SND1: variants seen among roughly 807,000 people sequenced by gnomAD.
SND1 encodes staphylococcal nuclease and tudor domain containing 1.
SND1 carries 38 observed loss-of-function variants against 121.7 expected under a neutral mutation model. The observed-to-expected ratio is 0.31, with a 90% CI of 0.24 to 0.41. The LOEUF is 0.41. Among genes scored for constraint, SND1 ranks in the 10% least tolerant of loss-of-function variants. The pLI is 1.00. For synonymous variants in SND1, 401 were observed against 447.4 expected (o/e 0.90, Z 1.31); for missense variants, 868 against 1,184.6 (o/e 0.73, Z 3.92).
intron 16 of SND1, among the ~76,000 whole-genome samples, chr7:128,001,934 A>C (rs1457838079): frequency 6.6e-6 from 1 of 152,210 alleles, no homozygotes; most frequent in African/African-American, 2.4e-5. Context: ...TCCATCTCAA[A>C]AACAAAAAAA....
chr7:127,699,842 C>T (rs1039694209), intron 4 of SND1, among the ~76,000 whole-genome samples: 7 of 152,260 alleles, frequency 4.6e-5, no homozygotes, highest in Admixed American at 3.9e-4. Context: ...GAAACATTTG[C>T]ATGAGGTATA....
intron 16 of SND1, among the ~76,000 whole-genome samples, chr7:127,993,269 C>A (rs11770713): frequency 6.6e-6 from 1 of 152,206 alleles, no homozygotes; most frequent in South Asian, 2.1e-4. Flanking sequence ...TTGTTACAGG[C>A]TTATTCATTT....
At position 127,707,594 on chromosome 7, in the gene SND1, TATGTGGCTCCC is replaced by T; in HGVS notation, c.987_997del (p.Val330SerfsTer2). On this transcript the variant is annotated frameshift_variant, in exon 9 of 24. Transcript: ENST00000354725. LOFTEE classifies it high-confidence loss of function. Reference sequence around the variant, plus strand: ...GCGCAGGCTGAGAATATGGAGAGACTATGTGGCTCCCACAGCTAATTTGGACCAAAAGGACA... The same window carrying T: ...GCGCAGGCTGAGAATATGGAGAGACTACAGCTAATTTGGACCAAAAGGACA... The T allele has an allele frequency of 6.2e-7, 1 of 1,614,160 alleles. No homozygotes were observed. Among genetic ancestry groups the T allele is most frequent in the East Asian group, 2.2e-5 (1 of 44,880 alleles).
rs1306686764 is a variant in SND1, at chr7:127,908,312, TAATA to T, written c.1527+3497_1527+3500del. On this transcript the variant is annotated intron_variant, in intron 14 of 23. Transcript: ENST00000354725. Reference sequence around the variant, plus strand: ...CCCATCTCTACCAAAAAAAAAATAATAATAAATGTGTGTGTGTGTGTGTGTGTGT... The same window carrying T: ...CCCATCTCTACCAAAAAAAAAATAATAATGTGTGTGTGTGTGTGTGTGTGT... Among the ~76,000 whole-genome samples the T allele has an allele frequency of 1.0e-4, 13 of 124,836 alleles. No individual in the cohort carries two copies. The East Asian group carries it at 2.8e-3, about 27-fold the overall frequency. The allele number at this position is 124,836 out of a possible 152,430, so 81.9% of individuals were successfully genotyped here.
intron 11 of SND1, among the ~76,000 whole-genome samples, chr7:127,812,442 A>C (rs1185284484): frequency 1.3e-5 from 2 of 152,204 alleles, no homozygotes; most frequent in African/African-American, 4.8e-5. Flanking sequence ...TTCTTCGCCT[A>C]AATATACAGA....
At chr7:128,039,240 A>G (rs1171635202) in intron 16 of SND1, among the ~76,000 whole-genome samples, 1 of 152,074 alleles carries the variant, frequency 6.6e-6, no homozygotes, top group Non-Finnish European at 1.5e-5. Flanking sequence ...TTCTCATTTT[A>G]TTTTCCATTA....
At chr7:127,671,487 G>A (rs543272251) in intron 1 of SND1, among the ~76,000 whole-genome samples, 264 of 152,150 alleles carry the variant, frequency 1.7e-3, no homozygotes, top group African/African-American at 6.0e-3. Context: ...CTATGCGCAC[G>A]CTCCTGGTTT....
At chr7:127,715,442 A>G (rs1343639684) in intron 9 of SND1, among the ~76,000 whole-genome samples, 1 of 152,192 alleles carries the variant, frequency 6.6e-6, no homozygotes. Flanking sequence ...AGTACCCAAT[A>G]GGAAGTTTTT....
At chr7:127,656,090 A>G (rs1795205483) in intron 1 of SND1, among the ~76,000 whole-genome samples, 2 of 152,058 alleles carry the variant, frequency 1.3e-5, no homozygotes, top group African/African-American at 4.8e-5. Context: ...AAGAACCATG[A>G]TTCTCACTGG....
chr7:127,800,425 C>T (rs1372292721), intron 10 of SND1, among the ~76,000 whole-genome samples: 1 of 152,184 alleles, frequency 6.6e-6, no homozygotes, highest in Non-Finnish European at 1.5e-5. Flanking sequence ...TTTATTTCCT[C>T]TGCCTCACAG....
At chr7:127,691,879 G>T (rs1206179710) in intron 2 of SND1, among the ~76,000 whole-genome samples, 3 of 151,074 alleles carry the variant, frequency 2.0e-5, no homozygotes, top group Non-Finnish European at 2.9e-5. Flanking sequence ...CCTGCCAAGA[G>T]TCTTGGCCTC....
intron 10 of SND1, among the ~76,000 whole-genome samples, chr7:127,796,890 CT>C (rs36078891): frequency 0.28 from 28,987 of 102,040 alleles, 2,649 homozygotes; most frequent in Admixed American, 0.37. Context: ...TTTCCTGAGT[CT>C]TTTTTTTTTT....
In SND1 at chr7:128,024,138, T is replaced by C. The variant is rs558234751; in HGVS notation, c.1779+33082T>C. Among the ~76,000 whole-genome samples, 3 of 151,918 alleles carry C rather than the reference T, an allele frequency of 2.0e-5. No homozygotes were observed. In the South Asian group the frequency reaches 6.2e-4, roughly 32 times the overall value. On this transcript the variant is annotated intron_variant, in intron 16 of 23. Transcript: ENST00000354725. ...ATCACTGCTCCAAGAAGTAATTTAC[T>C]TCATTTTAATTTAAAGCAAAGATGA...
chr7:127,947,639 C>T (rs1408072711), intron 15 of SND1, among the ~76,000 whole-genome samples: 2 of 152,278 alleles, frequency 1.3e-5, no homozygotes, highest in South Asian at 2.1e-4. Flanking sequence ...GGACTCTGGG[C>T]GCTGGCCTTA....
At chr7:127,858,611 AC>A in intron 12 of SND1, 1 of 304,840 alleles carries the variant, frequency 3.3e-6, no homozygotes, top group Non-Finnish European at 6.2e-6. Flanking sequence ...ACTCTAGGGA[AC>A]AAAAACACCA....
At chr7:128,027,135 C>T (rs1333912561) in intron 16 of SND1, 4 of 152,598 alleles carry the variant, frequency 2.6e-5, no homozygotes, top group Non-Finnish European at 5.9e-5. Flanking sequence ...AATCAGTGTT[C>T]TTTTGTTGGC....
chr7:127,699,039 C>T, intron 4 of SND1, 86 bp downstream of exon 4: 1 of 1,047,940 alleles, frequency 9.5e-7, no homozygotes, highest in South Asian at 1.3e-5. Context: ...ACATGGGTAA[C>T]TGCAGGGGCT....
intron 15 of SND1, among the ~76,000 whole-genome samples, chr7:127,984,904 G>T (rs1336362088): frequency 6.6e-6 from 1 of 152,008 alleles, no homozygotes; most frequent in Non-Finnish European, 1.5e-5. Context: ...ATGTCAGTTC[G>T]TCCCCTCTGC....
At chr7:127,952,720 A>G (rs1268567805) in intron 15 of SND1, among the ~76,000 whole-genome samples, 2 of 152,234 alleles carry the variant, frequency 1.3e-5, no homozygotes, top group African/African-American at 4.8e-5. Context: ...TCAAAATTGA[A>G]AGTGTCAGAT....
Sources: gnomAD v4.1 joint callset for allele counts (sites outside exome capture counted in the v4.1 genomes callset) on GRCh38, gnomAD v4.1.1 for gene constraint, MANE v1.5 for transcripts, NCBI Gene and HGNC (gene_info 2026-07-23, HGNC 2026-07-21) for gene names.